SPIDR: variants seen among roughly 807,000 people sequenced by gnomAD.
SPIDR encodes scaffold protein involved in DNA repair, also known as DNA repair-scaffolding protein.
In SPIDR, 93 loss-of-function variants were observed where a neutral mutation model predicts 104.6. The observed-to-expected ratio is 0.89, with a 90% CI of 0.75 to 1.06. SPIDR has a LOEUF of 1.06. SPIDR is among the 50% of genes least tolerant of loss of function. The pLI, the probability that SPIDR is intolerant of heterozygous loss-of-function variation, is 0.00. For missense variants in SPIDR, 1,154 were observed against 1,111.2 expected (o/e 1.04, Z -0.55); for synonymous variants, 431 against 416.9 (o/e 1.03, Z -0.41).
intron 8 of SPIDR, among the ~76,000 whole-genome samples, chr8:47,588,471 A>G (rs1464311278): frequency 6.6e-6 from 1 of 152,124 alleles, no homozygotes; most frequent in African/African-American, 2.4e-5. Flanking sequence ...GTTATTTTGT[A>G]GATTCCTTGC....
intron 8 of SPIDR, among the ~76,000 whole-genome samples, chr8:47,504,236 G>A (rs1183704111): frequency 2.0e-5 from 3 of 152,152 alleles, no homozygotes; most frequent in South Asian, 2.1e-4. Flanking sequence ...GTGTTTTCCA[G>A]CTTGGTTCCA....
At chr8:47,661,108 T>A in intron 10 of SPIDR, 1 of 235,738 alleles carries the variant, frequency 4.2e-6, no homozygotes, top group Non-Finnish European at 6.9e-6. Context: ...GGTGTGTCTG[T>A]GGCAGAAGCA....
intron 5 of SPIDR, among the ~76,000 whole-genome samples, chr8:47,339,986 A>G (rs912703329): frequency 4.6e-5 from 7 of 152,038 alleles, no homozygotes; most frequent in Non-Finnish European, 1.0e-4. Context: ...GACTGTTTAC[A>G]TTCTTCTATT....
intron 1 of SPIDR, among the ~76,000 whole-genome samples, chr8:47,276,644 AAAAT>A (rs2036486450): frequency 6.6e-6 from 1 of 152,262 alleles, no homozygotes; most frequent in South Asian, 2.1e-4. Flanking sequence ...AGTGGTTGGA[AAAAT>A]AAATAAGATA....
intron 8 of SPIDR, among the ~76,000 whole-genome samples, chr8:47,564,586 A>C (rs1335846005): frequency 6.6e-6 from 1 of 151,864 alleles, no homozygotes; most frequent in African/African-American, 2.4e-5. Flanking sequence ...AGGCTGAGGC[A>C]GGAGAATCTC....
intron 11 of SPIDR, among the ~76,000 whole-genome samples, chr8:47,683,388 A>C (rs911531659): frequency 6.6e-6 from 1 of 152,196 alleles, no homozygotes; most frequent in Admixed American, 6.5e-5. Context: ...TAGTGGGTGA[A>C]CATCCCCCTC....
At chr8:47,441,216 T>A (rs2069367670) in intron 8 of SPIDR, among the ~76,000 whole-genome samples, 1 of 152,196 alleles carries the variant, frequency 6.6e-6, no homozygotes, top group Admixed American at 6.5e-5. Context: ...CAGTGCTTCT[T>A]TAATTTTAGC....
At chr8:47,442,963 C>A (rs1171080932) in intron 8 of SPIDR, among the ~76,000 whole-genome samples, 1 of 151,988 alleles carries the variant, frequency 6.6e-6, no homozygotes, top group Non-Finnish European at 1.5e-5. Flanking sequence ...TATTAAATGA[C>A]CTTGTTTTTT....
chr8:47,605,216 C>T (rs1189481448), intron 10 of SPIDR, among the ~76,000 whole-genome samples: 1 of 152,198 alleles, frequency 6.6e-6, no homozygotes, highest in African/African-American at 2.4e-5. Context: ...GAAACCAGAG[C>T]TCGTGGCAAG....
intron 8 of SPIDR, among the ~76,000 whole-genome samples, chr8:47,516,460 C>T (rs1215679441): frequency 6.6e-6 from 1 of 152,156 alleles, no homozygotes; most frequent in East Asian, 1.9e-4. Flanking sequence ...CCCTAGCAAC[C>T]TCTATTCTAC....
At chr8:47,261,914 T>C (rs1398127734) in intron 1 of SPIDR, among the ~76,000 whole-genome samples, 3 of 152,248 alleles carry the variant, frequency 2.0e-5, no homozygotes, top group Non-Finnish European at 4.4e-5. Flanking sequence ...CAAGGAAATA[T>C]ATAAATTTGC....
chr8:47,355,463 A>G (rs2054358503), intron 5 of SPIDR, among the ~76,000 whole-genome samples: 1 of 152,192 alleles, frequency 6.6e-6, no homozygotes, highest in Non-Finnish European at 1.5e-5. Context: ...TGAACAGTGA[A>G]TGCGTAACAA....
At chr8:47,552,532 T>G (rs2090685092) in intron 8 of SPIDR, among the ~76,000 whole-genome samples, 1 of 152,208 alleles carries the variant, frequency 6.6e-6, no homozygotes, top group Non-Finnish European at 1.5e-5. Context: ...GTAATGGCCT[T>G]CTTTGTCTCT....
At chr8:47,569,611 C>T (rs1192899644) in intron 8 of SPIDR, among the ~76,000 whole-genome samples, 3 of 152,154 alleles carry the variant, frequency 2.0e-5, no homozygotes, top group Non-Finnish European at 4.4e-5. Context: ...TTTACCACTT[C>T]TGTTGAATAT....
intron 5 of SPIDR, among the ~76,000 whole-genome samples, chr8:47,370,948 G>T (rs1212102362): frequency 6.6e-6 from 1 of 151,920 alleles, no homozygotes; most frequent in Non-Finnish European, 1.5e-5. Flanking sequence ...GCTGTCTCTA[G>T]TGTCTCCTCT....
chr8:47,369,818 TA>T (rs2057741178), intron 5 of SPIDR, among the ~76,000 whole-genome samples: 1 of 152,174 alleles, frequency 6.6e-6, no homozygotes, highest in South Asian at 2.1e-4. Flanking sequence ...AACCACAGTC[TA>T]AAAAAGATCT....
chr8:47,389,734 G>A (rs990724769), intron 5 of SPIDR, among the ~76,000 whole-genome samples: 8 of 145,124 alleles, frequency 5.5e-5, no homozygotes, highest in South Asian at 2.2e-4. Context: ...CAAAAATTTC[G>A]CCCAAGTACA....
At chr8:47,405,411 TAAAC>T (rs1422243920) in intron 6 of SPIDR, among the ~76,000 whole-genome samples, 2 of 151,930 alleles carry the variant, frequency 1.3e-5, no homozygotes, top group African/African-American at 2.4e-5. Flanking sequence ...ATAATAAAAA[TAAAC>T]CAAAATTTTA....
intron 5 of SPIDR, among the ~76,000 whole-genome samples, chr8:47,328,870 T>C (rs1169580832): frequency 6.6e-6 from 1 of 152,154 alleles, no homozygotes; most frequent in Non-Finnish European, 1.5e-5. Flanking sequence ...CAGTATTTTC[T>C]TTGGCAATAT....
Sources: allele counts gnomAD v4.1 joint callset (sites outside exome capture counted in the v4.1 genomes callset), GRCh38; gene constraint gnomAD v4.1.1; transcripts MANE v1.5; gene names NCBI Gene and HGNC (gene_info 2026-07-23, HGNC 2026-07-21).